The following LRRTM3 variants were observed in gnomAD, a reference collection of about 807,000 sequenced individuals.
LRRTM3 encodes the protein leucine-rich repeat transmembrane neuronal protein 3.
In LRRTM3, 24 loss-of-function variants were observed where a neutral mutation model predicts 44.7. That is an observed-to-expected ratio of 0.54 (90% CI 0.39 to 0.76). The LOEUF (loss-of-function observed/expected upper bound fraction) is 0.76, where lower values mean the gene tolerates loss of function less well. Among genes scored for constraint, LRRTM3 ranks in the 30% least tolerant of loss-of-function variants. The pLI is 0.00. For synonymous variants in LRRTM3, 277 were observed against 278.7 expected, an observed-to-expected ratio of 0.99 and a Z score of 0.06; for missense variants, 587 against 702.2, an observed-to-expected ratio of 0.84 and a Z score of 1.85.
chr10:67,057,555 T>C (rs1338628947), intron 2 of LRRTM3, among the ~76,000 whole-genome samples: 1 of 152,162 alleles, frequency 6.6e-6, no homozygotes, highest in Non-Finnish European at 1.5e-5. Flanking sequence ...CTTAGTATAA[T>C]GTCTTCTAGG....
At chr10:67,068,797 C>T (rs568785814) in intron 2 of LRRTM3, among the ~76,000 whole-genome samples, 72 of 152,288 alleles carry the variant, frequency 4.7e-4, no homozygotes, top group Non-Finnish European at 8.4e-4. Context: ...TTGTGGCTTA[C>T]GCCTGTAATC....
intron 2 of LRRTM3, among the ~76,000 whole-genome samples, chr10:67,044,322 T>G (rs1854593663): frequency 6.6e-6 from 1 of 152,210 alleles, no homozygotes; most frequent in Non-Finnish European, 1.5e-5. Flanking sequence ...AAGGGGATAT[T>G]TCCAAAACGT....
intron 2 of LRRTM3, among the ~76,000 whole-genome samples, chr10:66,976,031 A>G (rs1850009766): frequency 6.6e-6 from 1 of 152,202 alleles, no homozygotes; most frequent in African/African-American, 2.4e-5. Context: ...ATTTCCCTGT[A>G]TAAAAGGCCC....
intron 2 of LRRTM3, among the ~76,000 whole-genome samples, chr10:66,996,864 C>G (rs375207153): frequency 2.0e-5 from 3 of 152,130 alleles, no homozygotes; most frequent in African/African-American, 2.4e-5. Context: ...TGTGAACTAA[C>G]ATCTGTAAAT....
chr10:67,005,682 C>CTTTTTTTTTTGTTTTTTTTTT, intron 2 of LRRTM3, among the ~76,000 whole-genome samples: 1 of 61,976 alleles, frequency 1.6e-5, no homozygotes, highest in Middle Eastern at 0.016. Context: ...TTTACTCCAT[C>CTTTTTTTTTTGTTTTTTTTTT]TTTTTTTTTT....
rs1589655860 is a variant in LRRTM3, at chr10:67,045,891, T to C, written c.1537-51696T>C. Among the ~76,000 whole-genome samples the C allele has an allele frequency of 2.0e-5, 3 of 152,196 alleles. No individual in the cohort carries two copies. In the South Asian group the frequency reaches 6.2e-4, roughly 31 times the overall value. ...TAACCTGGTCCCCCAAATAATAAGCTGTAAAAAGATTTACTGGAAGAAAAA... is the reference window on the plus strand; with the variant it reads ...TAACCTGGTCCCCCAAATAATAAGCCGTAAAAAGATTTACTGGAAGAAAAA... On this transcript the variant is annotated intron_variant, in intron 2 of 2. Coordinates refer to ENST00000361320, the MANE Select transcript of LRRTM3 (RefSeq NM_178011.5).
intron 2 of LRRTM3, among the ~76,000 whole-genome samples, chr10:67,070,662 G>A (rs2147889): frequency 0.51 from 76,992 of 151,504 alleles, 19,888 homozygotes; most frequent in Middle Eastern, 0.64. Flanking sequence ...CAGGGGAATC[G>A]CTTGAACCCG....
intron 2 of LRRTM3, among the ~76,000 whole-genome samples, chr10:67,016,501 T>C (rs1472123822): frequency 1.3e-5 from 2 of 152,164 alleles, no homozygotes; most frequent in Non-Finnish European, 2.9e-5. Context: ...TGGTAGAGAA[T>C]AGAACGAGGT....
intron 2 of LRRTM3, among the ~76,000 whole-genome samples, chr10:66,988,335 AC>A (rs1238980971): frequency 6.6e-6 from 1 of 152,210 alleles, no homozygotes; most frequent in African/African-American, 2.4e-5. Flanking sequence ...TACTAATTTA[AC>A]AGAGATTATG....
intron 2 of LRRTM3, among the ~76,000 whole-genome samples, chr10:67,068,177 G>C (rs71496030): frequency 0.044 from 6,771 of 152,236 alleles, 227 homozygotes; most frequent in Middle Eastern, 0.078. Context: ...AGAAGAGAAG[G>C]GGGGAAGGAT....
At chr10:67,094,473 C>G (rs1320921941) in intron 2 of LRRTM3, among the ~76,000 whole-genome samples, 9 of 151,780 alleles carry the variant, frequency 5.9e-5, no homozygotes, top group African/African-American at 9.6e-5. Flanking sequence ...ATTGGGGGAA[C>G]AGTGTATAAT....
chr10:66,926,953 G>C lies in LRRTM3; in HGVS notation c.37G>C (p.Ala13Pro), dbSNP rs774437600. Reference protein sequence around the residue: ...FNVIRLLSGSAVALVIAPTVL... With the variant: ...FNVIRLLSGSPVALVIAPTVL... ...TGTAATTAGGCTACTGAGCGGATCA[G>C]CTGTAGCACTGGTTATAGCCCCCAC... The change falls in exon 2 of 3, where the codon GCT (alanine) becomes CCT (proline). Residue 13 changes from alanine (A) to proline (P), a missense_variant. Physicochemically the swap from Ala to Pro is conservative, Grantham distance 27. Transcript: ENST00000361320. The C allele has an allele frequency of 7.4e-6, 12 of 1,612,166 alleles. No homozygotes were observed. The African/African-American group carries it at 1.5e-4, about 20-fold the overall frequency.
At chr10:66,960,910 G>A (rs1849073076) in intron 2 of LRRTM3, among the ~76,000 whole-genome samples, 1 of 152,100 alleles carries the variant, frequency 6.6e-6, no homozygotes, top group South Asian at 2.1e-4. Flanking sequence ...AAATGGGAAT[G>A]GTTCTTAAGT....
chr10:67,101,477 T>G lies in LRRTM3; in HGVS notation c.*3681T>G, dbSNP rs2131945264. 6.6e-6 allele frequency among the ~76,000 whole-genome samples: 1 copy of G among 151,872 alleles called. No individual in the cohort carries two copies. The highest frequency in any genetic ancestry group is 2.1e-4 in the South Asian group (1 of 4,826). On this transcript the variant is annotated 3_prime_UTR_variant, in exon 3 of 3. Coordinates refer to ENST00000361320, the MANE Select transcript of LRRTM3 (RefSeq NM_178011.5). Reference sequence around the variant, plus strand: ...ATTTTCTTATAAGAAAAATAAAATATAATTTATCCAAATTGATGTATAGAA... The same window carrying G: ...ATTTTCTTATAAGAAAAATAAAATAGAATTTATCCAAATTGATGTATAGAA...
intron 2 of LRRTM3, among the ~76,000 whole-genome samples, chr10:66,933,650 C>T (rs906042982): frequency 1.3e-5 from 2 of 152,002 alleles, no homozygotes; most frequent in African/African-American, 4.8e-5. Flanking sequence ...AAGACTGTGC[C>T]CAAGATCTCC....
At chr10:66,962,319 G>C (rs1447697968) in intron 2 of LRRTM3, among the ~76,000 whole-genome samples, 1 of 151,964 alleles carries the variant, frequency 6.6e-6, no homozygotes, top group Non-Finnish European at 1.5e-5. Context: ...CATGGTCTCC[G>C]TACTTACACC....
At chr10:67,056,062 T>C (rs1855408493) in intron 2 of LRRTM3, among the ~76,000 whole-genome samples, 1 of 152,100 alleles carries the variant, frequency 6.6e-6, no homozygotes, top group African/African-American at 2.4e-5. Context: ...TGAAGAATGC[T>C]TGTAAAGTAT....
intron 2 of LRRTM3, among the ~76,000 whole-genome samples, chr10:67,097,157 T>C (rs888890350): frequency 1.3e-5 from 2 of 151,888 alleles, no homozygotes; most frequent in African/African-American, 2.4e-5. Flanking sequence ...GTGGTGATTT[T>C]TGTGAATGCT....
At chr10:67,047,096 G>T (rs1339415860) in intron 2 of LRRTM3, among the ~76,000 whole-genome samples, 1 of 152,088 alleles carries the variant, frequency 6.6e-6, no homozygotes, top group African/African-American at 2.4e-5. Flanking sequence ...TTTAGACAGA[G>T]GACAATGAAG....
Sources: allele counts gnomAD v4.1 joint callset (sites outside exome capture counted in the v4.1 genomes callset), GRCh38; gene constraint gnomAD v4.1.1; transcripts MANE v1.5; gene names NCBI Gene and HGNC (gene_info 2026-07-23, HGNC 2026-07-21).